Variants in LAMA4 observed in about 807,000 individuals in gnomAD.
LAMA4 encodes the protein laminin subunit alpha-4.
LAMA4 carries 127 observed loss-of-function variants against 207.1 expected under a neutral mutation model. That is an observed-to-expected ratio of 0.61 (90% CI 0.53 to 0.71). The LOEUF (loss-of-function observed/expected upper bound fraction) is 0.71. LAMA4 is among the 30% of genes least tolerant of loss of function. LAMA4 has a pLI of 0.00. For synonymous variants in LAMA4, 761 were observed against 816.0 expected (o/e 0.93, Z 1.15); for missense variants, 2,093 against 2,246.5 (o/e 0.93, Z 1.38).
At chr6:112,155,952 G>A (rs947988542) in intron 14 of LAMA4, among the ~76,000 whole-genome samples, 1 of 152,192 alleles carries the variant, frequency 6.6e-6, no homozygotes, top group Admixed American at 6.5e-5. Context: ...AGGGAATGAC[G>A]ATTTAAAAAC....
At chr6:112,188,483 G>A (rs1423934978) in intron 7 of LAMA4, among the ~76,000 whole-genome samples, 1 of 152,150 alleles carries the variant, frequency 6.6e-6, no homozygotes, top group African/African-American at 2.4e-5. Context: ...GGTTAATCTC[G>A]TCTGCTCCGA....
chr6:112,205,009 C>G (rs531072228), intron 4 of LAMA4, among the ~76,000 whole-genome samples: 2 of 152,244 alleles, frequency 1.3e-5, no homozygotes, highest in African/African-American at 2.4e-5. Flanking sequence ...TCGGGGGAAT[C>G]TGATTGCCAT....
rs138905970 is a variant in LAMA4, at chr6:112,144,668, GC to G, written c.2493+125del. On this transcript the variant is annotated intron_variant, in intron 19 of 38. Transcript: ENST00000230538. Reference sequence around the variant, plus strand: ...CACGTGTTTCTAATTAGCAAATGGGGCTGAGAACTACTGAGTTGGAGAATAC... The same window carrying G: ...CACGTGTTTCTAATTAGCAAATGGGGTGAGAACTACTGAGTTGGAGAATAC... 1.5e-3 allele frequency: 1,719 copies of G among 1,112,606 alleles called. 21 individuals are homozygous for G. In the African/African-American group the frequency reaches 0.022, roughly 14 times the overall value. 68.9% of individuals were successfully genotyped at this position (1,112,606 alleles called of 1,614,324 possible).
At chr6:112,216,818 C>A in intron 2 of LAMA4, 1 of 338,650 alleles carries the variant, frequency 3.0e-6, no homozygotes, top group African/African-American at 2.1e-5. Context: ...ATAAGCAAAA[C>A]AAAACAAGAC....
rs782085833 is a variant in LAMA4 at position 112,115,928 on chromosome 6, C to T, written c.5047G>A (p.Gly1683Arg). The T allele has an allele frequency of 1.8e-5, 29 of 1,613,336 alleles. No individual in the cohort carries two copies. The highest frequency in any genetic ancestry group is 7.7e-5 in the South Asian group (7 of 91,082). ...AFEVRPRSSS[G>R]TLVHGHSVNG... Reference sequence around the variant, plus strand: ...ACACTGTGGCCGTGGACCAGGGTTCCGGAACTGCTTCTGGGACGGACTTCA... The same window carrying T: ...ACACTGTGGCCGTGGACCAGGGTTCTGGAACTGCTTCTGGGACGGACTTCA... Residue 1683 changes from glycine to arginine, a missense_variant, in exon 36 of 39, where the codon GGA (glycine) becomes AGA (arginine). Around this residue, in one of 3 missense-constraint regions of LAMA4, gnomAD observed 383 missense variants for 437.8 expected, o/e 0.87. Coordinates refer to ENST00000230538, the MANE Select transcript of LAMA4 (RefSeq NM_001105206.3).
chr6:112,134,277 G>A (rs1583674411), intron 26 of LAMA4, among the ~76,000 whole-genome samples, 190 bp downstream of exon 26: 1 of 152,140 alleles, frequency 6.6e-6, no homozygotes, highest in African/African-American at 2.4e-5. Context: ...ACATCTATGC[G>A]ATGCTAATTT....
chr6:112,200,094 C>T (rs965164515), intron 5 of LAMA4: 9 of 532,386 alleles, frequency 1.7e-5, no homozygotes, highest in African/African-American at 9.6e-5. Context: ...TACAACACTG[C>T]GAGCAGCTGG....
chr6:112,220,922 A>G (rs782671143), intron 2 of LAMA4, among the ~76,000 whole-genome samples: 23 of 152,142 alleles, frequency 1.5e-4, no homozygotes, highest in Non-Finnish European at 3.2e-4. Context: ...CCCAAACACT[A>G]TCACAGAGGA....
intron 18 of LAMA4, 88 bp from the exon 19 acceptor site, chr6:112,145,021 A>G: frequency 8.4e-7 from 1 of 1,184,008 alleles, no homozygotes; most frequent in African/African-American, 1.5e-5. Flanking sequence ...TGGATTACAT[A>G]TGGTAGAACT....
chr6:112,131,877 T>A (rs1481575054), intron 28 of LAMA4, among the ~76,000 whole-genome samples: 2 of 152,142 alleles, frequency 1.3e-5, no homozygotes, highest in Non-Finnish European at 2.9e-5. Flanking sequence ...AGTGTATATA[T>A]TGATGATGAC....
intron 12 of LAMA4, among the ~76,000 whole-genome samples, chr6:112,171,309 A>G (rs977966753): frequency 2.0e-5 from 3 of 151,624 alleles, no homozygotes; most frequent in Non-Finnish European, 4.4e-5. Context: ...AAGCACTGTT[A>G]TAGGTGATGA....
chr6:112,206,106 C>T (rs73542523), intron 4 of LAMA4, among the ~76,000 whole-genome samples: 8,346 of 152,252 alleles, frequency 0.055, 721 homozygotes, highest in African/African-American at 0.19. Flanking sequence ...AAGCATAGCA[C>T]TTTTCTAAAC....
rs781939034 is a variant in LAMA4, at chr6:112,144,951, T to A, written c.2354-18A>T. The stretch of plus-strand genomic sequence containing the variant: ...ATTTCTTACTGCAGTTAATAAAAAT[T>A]AATCATTTAAGAAAATAACTCAATA... On this transcript the variant is annotated intron_variant, in intron 18 of 38. Transcript: ENST00000230538. 87 of 1,600,376 alleles carry A rather than the reference T, an allele frequency of 5.4e-5. No individual in the cohort carries two copies. In the Admixed American group the frequency reaches 1.4e-3, roughly 27 times the overall value.
At chr6:112,161,477 A>G (rs189471259) in intron 13 of LAMA4, among the ~76,000 whole-genome samples, 1 of 152,324 alleles carries the variant, frequency 6.6e-6, no homozygotes, top group African/African-American at 2.4e-5. Context: ...GTATAAGTGG[A>G]AAATAGACCA....
At chr6:112,250,584 A>G (rs1787372677) in intron 2 of LAMA4, among the ~76,000 whole-genome samples, 1 of 152,154 alleles carries the variant, frequency 6.6e-6, no homozygotes. Context: ...AATGTTGTCA[A>G]TTGTATCCCT....
intron 2 of LAMA4, among the ~76,000 whole-genome samples, chr6:112,226,830 T>C (rs1785240950): frequency 6.6e-6 from 1 of 152,112 alleles, no homozygotes; most frequent in African/African-American, 2.4e-5. Flanking sequence ...AAATACAATA[T>C]TGAGGAAAAA....
intron 2 of LAMA4, among the ~76,000 whole-genome samples, chr6:112,220,086 C>A (rs782302303): frequency 4.6e-5 from 7 of 152,226 alleles, no homozygotes; most frequent in South Asian, 2.1e-4. Context: ...AGAAAAAAAT[C>A]TTTGCTAATA....
intron 25 of LAMA4, 96 bp from the exon 26 acceptor site, chr6:112,134,705 G>C (rs1267980877): frequency 1.0e-6 from 1 of 971,506 alleles, no homozygotes; most frequent in African/African-American, 1.6e-5. Flanking sequence ...TATACTAGCT[G>C]TTCTTCCATG....
At chr6:112,175,617 C>T (rs1781979600) in intron 10 of LAMA4, 137 bp from the exon 11 acceptor site, 2 of 844,810 alleles carry the variant, frequency 2.4e-6, no homozygotes, top group East Asian at 2.5e-5. Context: ...AAGCAGCGTG[C>T]TAGTGTTCAT....
Sources: gnomAD v4.1 joint callset for allele counts (sites outside exome capture counted in the v4.1 genomes callset) on GRCh38, gnomAD v4.1.1 for gene constraint, gnomAD v4.1.1 regional missense constraint, MANE v1.5 for transcripts, NCBI Gene and HGNC (gene_info 2026-07-23, HGNC 2026-07-21) for gene names.